The following CSMD3 variants were observed in gnomAD, a reference collection of about 807,000 sequenced individuals.
CSMD3 encodes CUB and sushi domain-containing protein 3.
Under a neutral mutation model 435.2 loss-of-function variants are expected in CSMD3, and 177 were observed. The observed-to-expected ratio is 0.41, with a 90% CI of 0.36 to 0.46. CSMD3 has a LOEUF of 0.46. CSMD3 is among the 20% of genes least tolerant of loss of function. The pLI is 0.34. For synonymous variants in CSMD3, 1,656 were observed against 1,520.5 expected (o/e 1.09, Z -2.07); for missense variants, 4,265 against 4,504.6 (o/e 0.95, Z 1.52).
chr8:113,030,742 T>TA (rs954125634), intron 5 of CSMD3, among the ~76,000 whole-genome samples: 25 of 149,398 alleles, frequency 1.7e-4, no homozygotes, highest in East Asian at 3.9e-4. Flanking sequence ...ATACAAAATG[T>TA]AAAAAAAAAG....
intron 13 of CSMD3, among the ~76,000 whole-genome samples, chr8:112,792,289 A>G (rs1280298484): frequency 6.6e-6 from 1 of 152,134 alleles, no homozygotes; most frequent in Non-Finnish European, 1.5e-5. Context: ...ATTTCTCACA[A>G]TCTGGAGGCT....
chr8:112,285,272 G>A (rs937942660), intron 58 of CSMD3, among the ~76,000 whole-genome samples: 1 of 152,024 alleles, frequency 6.6e-6, no homozygotes, highest in African/African-American at 2.4e-5. Context: ...CATGTATAAT[G>A]ATGCCCACAG....
At chr8:113,430,301 C>A (rs1299148675) in intron 1 of CSMD3, among the ~76,000 whole-genome samples, 2 of 152,104 alleles carry the variant, frequency 1.3e-5, no homozygotes, top group Non-Finnish European at 2.9e-5. Context: ...GCAATAGCTA[C>A]TAGTGCCAAG....
At chr8:112,393,621 A>G (rs550948398) in intron 35 of CSMD3, among the ~76,000 whole-genome samples, 1 of 152,286 alleles carries the variant, frequency 6.6e-6, no homozygotes, top group Admixed American at 6.5e-5. Context: ...CCATGCTGCT[A>G]CAGTGACAAG....
intron 3 of CSMD3, among the ~76,000 whole-genome samples, chr8:113,192,780 T>A (rs112507143): frequency 0.022 from 3,274 of 149,824 alleles, 127 homozygotes; most frequent in African/African-American, 0.079. Context: ...ATTTTAGAAG[T>A]TTTCTTCTGT....
Position 112,451,057 on chromosome 8 carries a change from A to G in CSMD3, c.5395+21534T>C, listed in dbSNP as rs200805110. On this transcript the variant is annotated intron_variant, in intron 32 of 70. Coordinates refer to ENST00000297405, the MANE Select transcript of CSMD3 (RefSeq NM_198123.2). ...GGTACAAATATATGATGAAAAAAAT[A>G]TTATGGAACTATTAAAAATCATGAT... Among the ~76,000 whole-genome samples, 19 of 152,308 alleles carry G rather than the reference A, an allele frequency of 1.2e-4. No homozygotes were observed. In the East Asian group the frequency reaches 3.3e-3, roughly 26 times the overall value.
chr8:112,515,794 G>T (rs1823610749), intron 28 of CSMD3, among the ~76,000 whole-genome samples: 1 of 151,894 alleles, frequency 6.6e-6, no homozygotes, highest in African/African-American at 2.4e-5. Context: ...ATGTTGTTTG[G>T]TGCATTTAGT....
intron 11 of CSMD3, among the ~76,000 whole-genome samples, chr8:112,854,214 T>C (rs1016571720): frequency 6.6e-6 from 1 of 152,078 alleles, no homozygotes; most frequent in Non-Finnish European, 1.5e-5. Flanking sequence ...TGACTAGACC[T>C]TGTCAGTGTA....
At chr8:112,225,969 C>T (rs1347877812) in intron 70 of CSMD3, among the ~76,000 whole-genome samples, 2 of 152,262 alleles carry the variant, frequency 1.3e-5, no homozygotes, top group East Asian at 1.9e-4. Context: ...TTGCTGCTAT[C>T]TGTTTCTGGG....
chr8:113,068,600 CA>C (rs1342352267), intron 5 of CSMD3, among the ~76,000 whole-genome samples: 9 of 152,132 alleles, frequency 5.9e-5, no homozygotes, highest in Non-Finnish European at 1.3e-4. Flanking sequence ...TTCTCCACAA[CA>C]GCAATTTTAC....
intron 1 of CSMD3, among the ~76,000 whole-genome samples, chr8:113,418,355 C>A (rs778616324): frequency 1.3e-5 from 2 of 151,994 alleles, no homozygotes; most frequent in Non-Finnish European, 2.9e-5. Flanking sequence ...CAGTTTAGTG[C>A]AAACCAATGA....
intron 53 of CSMD3, among the ~76,000 whole-genome samples, chr8:112,296,433 C>G (rs1268726410): frequency 6.6e-6 from 1 of 151,984 alleles, no homozygotes; most frequent in Non-Finnish European, 1.5e-5. Context: ...CGCCTGTAGT[C>G]CCAGCTTCTC....
At chr8:113,176,152 A>G (rs1421051309) in intron 3 of CSMD3, among the ~76,000 whole-genome samples, 1 of 152,106 alleles carries the variant, frequency 6.6e-6, no homozygotes, top group African/African-American at 2.4e-5. Context: ...GTTATTTCAA[A>G]ATGAAACTCA....
chr8:112,367,554 C>T (rs1389622637), intron 38 of CSMD3, among the ~76,000 whole-genome samples: 1 of 152,134 alleles, frequency 6.6e-6, no homozygotes, highest in African/African-American at 2.4e-5. Context: ...TCCCCAACAT[C>T]TAATTGGCCA....
chr8:113,436,332 T>G (rs1196075675), intron 1 of CSMD3, among the ~76,000 whole-genome samples: 1 of 152,196 alleles, frequency 6.6e-6, no homozygotes, highest in Non-Finnish European at 1.5e-5. Flanking sequence ...GCCCTAGTGA[T>G]CTGACAAGAA....
At chr8:113,325,339 TG>T (rs2093976800) in intron 1 of CSMD3, among the ~76,000 whole-genome samples, 1 of 152,146 alleles carries the variant, frequency 6.6e-6, no homozygotes, top group Admixed American at 6.5e-5. Context: ...AATTGAATCA[TG>T]GGGACCCATG....
intron 13 of CSMD3, among the ~76,000 whole-genome samples, chr8:112,769,585 G>T (rs913317763): frequency 2.0e-5 from 3 of 151,940 alleles, no homozygotes; most frequent in African/African-American, 7.2e-5. Context: ...TCATATTTGT[G>T]GACATTGTAG....
intron 35 of CSMD3, among the ~76,000 whole-genome samples, chr8:112,402,218 G>T (rs940186875): frequency 2.0e-5 from 3 of 152,096 alleles, no homozygotes; most frequent in Admixed American, 1.3e-4. Flanking sequence ...GGATCTTATT[G>T]TAACTCACTT....
At chr8:112,882,310 T>C (rs2081471313) in intron 10 of CSMD3, among the ~76,000 whole-genome samples, 1 of 151,854 alleles carries the variant, frequency 6.6e-6, no homozygotes, top group Admixed American at 6.6e-5. Flanking sequence ...CAATGTAAAT[T>C]AACAGCTTCT....
Sources: gnomAD v4.1 joint callset for allele counts (sites outside exome capture counted in the v4.1 genomes callset) on GRCh38, gnomAD v4.1.1 for gene constraint, MANE v1.5 for transcripts, NCBI Gene and HGNC (gene_info 2026-07-23, HGNC 2026-07-21) for gene names.